UTP18: variants seen among roughly 807,000 people sequenced by gnomAD.
UTP18 encodes UTP18 small subunit processome component.
UTP18 carries 36 observed loss-of-function variants against 61.1 expected under a neutral mutation model. That is an observed-to-expected ratio of 0.59 (90% CI 0.45 to 0.78). The LOEUF is 0.78. UTP18 is among the 30% of genes least tolerant of loss of function. The pLI is 0.00. For synonymous variants in UTP18, 282 were observed against 251.1 expected, an observed-to-expected ratio of 1.12 and a Z score of -1.16; for missense variants, 753 against 693.9, an observed-to-expected ratio of 1.09 and a Z score of -0.96.
At chr17:51,296,166 T>A (rs1006613090) in intron 12 of UTP18, 2 of 152,176 alleles carry the variant, frequency 1.3e-5, no homozygotes, top group East Asian at 3.8e-4. Context: ...CTAGAAGATA[T>A]AGGTGACAAG....
chr17:51,284,241 T>G (rs193122273), intron 9 of UTP18, among the ~76,000 whole-genome samples: 7 of 152,162 alleles, frequency 4.6e-5, no homozygotes, highest in Admixed American at 3.9e-4. Flanking sequence ...TATGGAAGGG[T>G]GAACTTTAGA....
At position 51,288,037 on chromosome 17, in the gene UTP18, G is replaced by A. The variant is rs752180206; in HGVS notation, c.1337G>A (p.Cys446Tyr). The change falls in exon 11 of 14, where the codon TGT becomes TAT. Residue 446 changes from cysteine to tyrosine, a missense_variant. Physicochemically the swap from Cys to Tyr is radical, Grantham distance 194. Transcript: ENST00000225298. ...TCCTTTTCTCTTTGTAGTTCTAATT[G>A]TGGAGTGGTAAATATATACAATCAA... ...NGQYVACGSN[C>Y]GVVNIYNQDS... 3.2e-6 allele frequency: 5 copies of A among 1,573,050 alleles called. No homozygotes were observed. The South Asian group carries it at 6.0e-5, about 19-fold the overall frequency.
At chr17:51,275,822 T>G (rs1343495199) in intron 5 of UTP18, 44 bp from the exon 6 acceptor site, 1 of 1,534,258 alleles carries the variant, frequency 6.5e-7, no homozygotes, top group East Asian at 2.4e-5. Context: ...AAAATAATGT[T>G]TATTCATTTC....
chr17:51,262,952 T>C (rs978539174), intron 1 of UTP18, among the ~76,000 whole-genome samples: 4 of 152,372 alleles, frequency 2.6e-5, no homozygotes, highest in South Asian at 2.1e-4. Context: ...ATTTCTGTAG[T>C]TCTGACATTT....
chr17:51,271,304 T>C (rs1904521333), intron 4 of UTP18, among the ~76,000 whole-genome samples: 1 of 152,068 alleles, frequency 6.6e-6, no homozygotes, highest in African/African-American at 2.4e-5. Flanking sequence ...TTCCACCTAT[T>C]TTTTGGTTTG....
At chr17:51,288,446 T>C (rs1413034256) in intron 11 of UTP18, 1 of 509,916 alleles carries the variant, frequency 2.0e-6, no homozygotes, top group Non-Finnish European at 3.7e-6. Flanking sequence ...CCTAAAGTGG[T>C]CCTCATTTTC....
At chr17:51,288,265 G>A (rs1190415644) in intron 11 of UTP18, 62 bp downstream of exon 11, 2 of 1,429,252 alleles carry the variant, frequency 1.4e-6, no homozygotes, top group African/African-American at 2.9e-5. Context: ...AAACATGCAA[G>A]AGTAACAGGA....
chr17:51,269,176 A>G (rs924902865), intron 4 of UTP18, among the ~76,000 whole-genome samples: 3 of 151,754 alleles, frequency 2.0e-5, no homozygotes, highest in African/African-American at 7.3e-5. Flanking sequence ...AGTCCCGACT[A>G]CTTGGGGGGC....
At position 51,260,917 on chromosome 17, in the gene UTP18, A is replaced by C; in HGVS notation, c.333A>C (p.Arg111=). 2 of 1,583,126 alleles carry C rather than the reference A, an allele frequency of 1.3e-6. No homozygotes were observed. The highest frequency in any genetic ancestry group is 2.3e-5 in the South Asian group (2 of 87,522). ...NDEDALLRRL[R]GPRVQEHEDS... is the part of the protein sequence containing the mutation. ...AGGACGCGTTGCTGCGGCGTCTGCGAGGCCCGAGGGTGAGGGAGGCCGCGG... is the reference window on the plus strand; with the variant it reads ...AGGACGCGTTGCTGCGGCGTCTGCGCGGCCCGAGGGTGAGGGAGGCCGCGG... The change falls in exon 1 of 14, where the codon CGA becomes CGC. Residue 111 remains arginine, a synonymous_variant. Transcript: ENST00000225298.
chr17:51,263,443 C>G, intron 2 of UTP18, 57 bp downstream of exon 2: 2 of 1,279,004 alleles, frequency 1.6e-6, no homozygotes, highest in Non-Finnish European at 2.2e-6. Context: ...AGTTATTTTG[C>G]AGATTTTAAA....
rs767855432 is a variant in UTP18 at position 51,260,796 on chromosome 17, G to A, written c.212G>A (p.Arg71Gln). ...IAVAAAEEER[R>Q]LRQRNRLRLE... ...GTCGCGGCGGCGGAGGAAGAGAGAC[G>A]GCTCCGGCAGCGGAACCGCCTGAGG... The change falls in exon 1 of 14, where the codon CGG (arginine) becomes CAG (glutamine). Residue 71 changes from arginine (R) to glutamine (Q), a missense_variant. Physicochemically the swap from Arg to Gln is conservative, Grantham distance 43. Transcript: ENST00000225298. 4.4e-6 allele frequency: 7 copies of A among 1,580,612 alleles called. No homozygotes were observed. Among genetic ancestry groups the A allele is most frequent in the Non-Finnish European group, 5.2e-6 (6 of 1,164,826 alleles).
chr17:51,283,062 T>A (rs1904998500), intron 9 of UTP18, among the ~76,000 whole-genome samples: 1 of 151,270 alleles, frequency 6.6e-6, no homozygotes, highest in African/African-American at 2.4e-5. Flanking sequence ...AGAGACGGGG[T>A]TTTCTTGTGT....
At position 51,297,921 on chromosome 17, in the gene UTP18, T is replaced by G; in HGVS notation, c.*154T>G. 3.4e-6 allele frequency: 1 copy of G among 297,936 alleles called. No homozygotes were observed. The highest frequency in any genetic ancestry group is 6.3e-6 in the Non-Finnish European group (1 of 157,570). The allele number at this position is 297,936 out of a possible 1,614,324, so 18.5% of individuals were successfully genotyped here. On this transcript the variant is annotated 3_prime_UTR_variant, in exon 14 of 14. Coordinates refer to ENST00000225298, the MANE Select transcript of UTP18 (RefSeq NM_016001.3). ...AATGTCTTAATAAACATGTGGCAGC[T>G]TTTGTTTGAAAATAAGTGTATCTGG...
intron 9 of UTP18, 21 bp from the exon 10 acceptor site, chr17:51,285,224 T>G (rs1172360355): frequency 6.2e-7 from 1 of 1,610,298 alleles, no homozygotes; most frequent in South Asian, 1.1e-5. Context: ...TAACAACTCT[T>G]TTTTTCGCTC....
chr17:51,288,665 C>T, intron 11 of UTP18: 1 of 453,328 alleles, frequency 2.2e-6, no homozygotes, highest in South Asian at 1.6e-5. Flanking sequence ...TTTGAATATA[C>T]CCTTTGTGTT....
At chr17:51,292,389 G>A (rs961948591) in intron 11 of UTP18, among the ~76,000 whole-genome samples, 5 of 152,218 alleles carry the variant, frequency 3.3e-5, no homozygotes, top group African/African-American at 4.8e-5. Context: ...TTCTGGCAAA[G>A]TTGAAAATAA....
At chr17:51,287,904 T>G in intron 10 of UTP18, 125 bp from the exon 11 acceptor site, 1 of 671,512 alleles carries the variant, frequency 1.5e-6, no homozygotes, top group Non-Finnish European at 2.2e-6. Context: ...ATAGTGGTGA[T>G]AGCTGGTCTC....
intron 12 of UTP18, 83 bp from the exon 13 acceptor site, chr17:51,296,881 TC>T: frequency 7.5e-7 from 1 of 1,334,214 alleles, no homozygotes. Context: ...ACTAAAATCT[TC>T]CTAAGTGCCC....
chr17:51,282,356 C>T (rs745341287), intron 9 of UTP18, among the ~76,000 whole-genome samples: 2 of 152,070 alleles, frequency 1.3e-5, no homozygotes, highest in Non-Finnish European at 2.9e-5. Context: ...TAGAATCAGA[C>T]TTTCACAAGG....
Sources: gnomAD v4.1 joint callset for allele counts (sites outside exome capture counted in the v4.1 genomes callset) on GRCh38, gnomAD v4.1.1 for gene constraint, MANE v1.5 for transcripts, NCBI Gene and HGNC (gene_info 2026-07-23, HGNC 2026-07-21) for gene names.